The following CSMD1 variants were observed in gnomAD, a reference collection of about 807,000 sequenced individuals.
CSMD1 encodes the protein CUB and Sushi multiple domains 1.
In CSMD1, 213 loss-of-function variants were observed where a neutral mutation model predicts 417.5. The observed-to-expected ratio is 0.51, with a 90% CI of 0.46 to 0.57. The LOEUF is 0.57. Among genes scored for constraint, CSMD1 ranks in the 20% least tolerant of loss-of-function variants. The pLI, the probability that CSMD1 is intolerant of heterozygous loss-of-function variation, is 0.00. For missense variants in CSMD1, 6,923 were observed against 4,529.7 expected (o/e 1.53, Z -15.17); for synonymous variants, 2,862 against 1,736.8 (o/e 1.65, Z -16.11).
At chr8:4,440,888 T>C (rs1489409049) in intron 2 of CSMD1, among the ~76,000 whole-genome samples, 2 of 151,424 alleles carry the variant, frequency 1.3e-5, no homozygotes, top group East Asian at 3.9e-4. Context: ...TCCCAGCTAC[T>C]TGGGAGACTG....
intron 7 of CSMD1, among the ~76,000 whole-genome samples, chr8:3,655,194 G>C (rs1468539269): frequency 6.6e-6 from 1 of 151,866 alleles, no homozygotes; most frequent in Non-Finnish European, 1.5e-5. Context: ...TTATTTTTTG[G>C]TCAAAACCAA....
chr8:4,128,697 C>G (rs1244602075), intron 3 of CSMD1, among the ~76,000 whole-genome samples: 1 of 152,044 alleles, frequency 6.6e-6, no homozygotes, highest in Admixed American at 6.6e-5. Context: ...AACCTCACGC[C>G]CACACACTGT....
At chr8:4,882,103 T>C (rs1335447224) in intron 1 of CSMD1, among the ~76,000 whole-genome samples, 1 of 151,966 alleles carries the variant, frequency 6.6e-6, no homozygotes, top group East Asian at 1.9e-4. Flanking sequence ...TTAACCACAG[T>C]ATTTTGTAAA....
intron 2 of CSMD1, among the ~76,000 whole-genome samples, chr8:4,522,769 G>C (rs568560546): frequency 1.3e-5 from 2 of 152,228 alleles, no homozygotes; most frequent in East Asian, 3.9e-4. Flanking sequence ...CTTCATGAAG[G>C]AGTCCTGGTA....
At chr8:3,877,060 C>A (rs1805871344) in intron 5 of CSMD1, among the ~76,000 whole-genome samples, 1 of 152,146 alleles carries the variant, frequency 6.6e-6, no homozygotes. Context: ...CTGTCGTAAC[C>A]ACAATGTCTT....
At chr8:4,793,613 T>C (rs1426689469) in intron 1 of CSMD1, among the ~76,000 whole-genome samples, 1 of 151,564 alleles carries the variant, frequency 6.6e-6, no homozygotes, top group Non-Finnish European at 1.5e-5. Context: ...TATCATACTG[T>C]TTCAAAAAAA....
In CSMD1 at chr8:4,632,736, T is replaced by C. The variant is rs978809624; in HGVS notation, c.302+4606A>G. The stretch of plus-strand genomic sequence containing the variant: ...AGGTGGCCAGTGTTACAGGAGTTCA[T>C]GCACACAAAGAAAATGTACGTGGGT... On this transcript the variant is annotated intron_variant, in intron 2 of 69. Transcript: ENST00000635120. 6.6e-5 allele frequency among the ~76,000 whole-genome samples: 10 copies of C among 152,290 alleles called. 1 individual carries two copies. The highest frequency in any genetic ancestry group is 1.4e-4 in the African/African-American group (6 of 41,558).
At chr8:3,392,377 G>A (rs1018152451) in intron 17 of CSMD1, among the ~76,000 whole-genome samples, 1 of 152,118 alleles carries the variant, frequency 6.6e-6, no homozygotes, top group Non-Finnish European at 1.5e-5. Context: ...TCATTTTCTA[G>A]TGCCTGCATC....
intron 5 of CSMD1, among the ~76,000 whole-genome samples, chr8:3,770,391 C>A (rs143237934): frequency 1.3e-5 from 2 of 151,978 alleles, no homozygotes; most frequent in African/African-American, 4.8e-5. Flanking sequence ...TAGCCAGGCA[C>A]GGTGGTGCGT....
chr8:4,484,438 T>A (rs573644481), intron 2 of CSMD1, among the ~76,000 whole-genome samples: 1 of 152,164 alleles, frequency 6.6e-6, no homozygotes, highest in African/African-American at 2.4e-5. Flanking sequence ...GATGGGGGTT[T>A]TCCTTCTTTA....
At chr8:3,711,606 G>A (rs1342848350) in intron 6 of CSMD1, among the ~76,000 whole-genome samples, 1 of 152,094 alleles carries the variant, frequency 6.6e-6, no homozygotes, top group African/African-American at 2.4e-5. Context: ...TCATCTCTGT[G>A]TTGTGGTGAC....
At chr8:4,074,121 A>C (rs889480661) in intron 3 of CSMD1, among the ~76,000 whole-genome samples, 5 of 152,104 alleles carry the variant, frequency 3.3e-5, no homozygotes, top group African/African-American at 1.2e-4. Context: ...AATGGGTTTT[A>C]AGTTGATCAT....
At chr8:3,064,313 A>G (rs1428484402) in intron 49 of CSMD1, among the ~76,000 whole-genome samples, 1 of 152,154 alleles carries the variant, frequency 6.6e-6, no homozygotes, top group Non-Finnish European at 1.5e-5. Context: ...AGCTGTTCTC[A>G]TGATGGTGAG....
chr8:3,266,547 A>G (rs548542663), intron 26 of CSMD1, among the ~76,000 whole-genome samples: 1 of 142,272 alleles, frequency 7.0e-6, no homozygotes, highest in Non-Finnish European at 1.5e-5. Context: ...CAGAGGTTGC[A>G]GTGAGCCGAG....
Position 4,891,616 on chromosome 8 carries a change from A to T in CSMD1, c.85+102716T>A, listed in dbSNP as rs535582049. On this transcript the variant is annotated intron_variant, in intron 1 of 69. Coordinates refer to ENST00000635120, the MANE Select transcript of CSMD1 (RefSeq NM_033225.6). ...GGAAATGTCTTAAGCACATAATCGG[A>T]TGTTTTGCTGAAAGATGCTGAATCC... 3.3e-5 allele frequency among the ~76,000 whole-genome samples: 5 copies of T among 152,228 alleles called. No homozygotes were observed. The South Asian group carries it at 1.0e-3, about 32-fold the overall frequency.
chr8:4,653,057 T>A (rs1365001536), intron 1 of CSMD1, among the ~76,000 whole-genome samples: 1 of 152,062 alleles, frequency 6.6e-6, no homozygotes, highest in Non-Finnish European at 1.5e-5. Flanking sequence ...AGTCCAGGGC[T>A]TGGGGACCCC....
intron 3 of CSMD1, among the ~76,000 whole-genome samples, chr8:4,231,192 ATT>A (rs1801704610): frequency 6.6e-6 from 1 of 152,224 alleles, no homozygotes; most frequent in Admixed American, 6.5e-5. Flanking sequence ...TCAATTGCGC[ATT>A]GAGTCTAAAT....
intron 1 of CSMD1, among the ~76,000 whole-genome samples, chr8:4,870,609 T>C (rs1022588203): frequency 6.6e-6 from 1 of 152,052 alleles, no homozygotes; most frequent in Non-Finnish European, 1.5e-5. Flanking sequence ...TCAGTGTGGA[T>C]ACTTTATTAG....
intron 6 of CSMD1, among the ~76,000 whole-genome samples, chr8:3,713,096 T>C (rs7012632): frequency 0.33 from 50,035 of 152,022 alleles, 8,377 homozygotes; most frequent in East Asian, 0.49. Context: ...TCTTTTCTGA[T>C]AACAACATTT....
Sources: allele counts gnomAD v4.1 joint callset (sites outside exome capture counted in the v4.1 genomes callset), GRCh38; gene constraint gnomAD v4.1.1; transcripts MANE v1.5; gene names NCBI Gene and HGNC (gene_info 2026-07-23, HGNC 2026-07-21).